Variants in INPP5F observed in about 807,000 individuals in gnomAD.
The protein encoded by INPP5F is phosphatidylinositide 4-phosphatase SAC2.
A neutral mutation model predicts 137.2 loss-of-function variants in INPP5F; 97 were observed. That is an observed-to-expected ratio of 0.71 (90% confidence interval 0.60 to 0.84). The LOEUF is 0.84. Among genes scored for constraint, INPP5F ranks in the 40% least tolerant of loss-of-function variants. INPP5F has a pLI of 0.00. For missense variants in INPP5F, 1,271 were observed against 1,371.9 expected (o/e 0.93, Z 1.16); for synonymous variants, 504 against 476.9 (o/e 1.06, Z -0.74).
At chr10:119,729,830 C>T (rs969597692) in intron 1 of INPP5F, among the ~76,000 whole-genome samples, 3 of 151,596 alleles carry the variant, frequency 2.0e-5, no homozygotes, top group Admixed American at 1.3e-4. Flanking sequence ...AGCGATCCTC[C>T]CACCTTGGCC....
At chr10:119,808,113 C>G (rs1850872074) in intron 13 of INPP5F, 53 bp downstream of exon 13, 15 of 1,567,304 alleles carry the variant, frequency 9.6e-6, no homozygotes, top group Non-Finnish European at 1.3e-5. Flanking sequence ...ACAGCTTAGA[C>G]TATGGTTTAA....
chr10:119,811,788 T>A lies in INPP5F; in HGVS notation c.1719T>A (p.Asp573Glu). Residue 573 changes from aspartate to glutamate, a missense_variant, in exon 15 of 20, where the codon GAT (aspartate) becomes GAA (glutamate). Around this residue, in one of 6 missense-constraint regions of INPP5F, gnomAD observed 593 missense variants for 712.4 expected, o/e 0.83. Transcript: ENST00000650623. ...DLMQGIPVTE[D>E]LYSIFTKEKE... ...TGCAAGGCATTCCAGTGACAGAAGA[T>A]CTTTATTCCATATTTACCAAGGAGA... 5.0e-6 allele frequency: 8 copies of A among 1,614,122 alleles called. No individual in the cohort carries two copies. Among genetic ancestry groups the A allele is most frequent in the Non-Finnish European group, 5.9e-6 (7 of 1,179,966 alleles).
chr10:119,821,739 C>T lies in INPP5F; in HGVS notation c.1959-692C>T, dbSNP rs577820732. Among the ~76,000 whole-genome samples, 361 of 147,834 alleles carry T rather than the reference C, an allele frequency of 2.4e-3. 18 individuals are homozygous for T. In the South Asian group the frequency reaches 0.082, roughly 34 times the overall value. ...CCCTCCCTTCATCTCTGCCTCCCTC[C>T]GTCTCTTGCTCTGTGTGTGTGTGCA... On this transcript the variant is annotated intron_variant, in intron 16 of 19. Transcript: ENST00000650623.
chr10:119,778,729 C>T (rs182276372), intron 2 of INPP5F, among the ~76,000 whole-genome samples: 2 of 152,186 alleles, frequency 1.3e-5, no homozygotes, highest in South Asian at 2.1e-4. Context: ...GTAGTGCATA[C>T]GGTTCTTTTT....
chr10:119,742,643 A>G (rs1848409629), intron 1 of INPP5F, among the ~76,000 whole-genome samples: 1 of 152,190 alleles, frequency 6.6e-6, no homozygotes, highest in Admixed American at 6.5e-5. Flanking sequence ...GCCCCATACA[A>G]ACATGAGAGA....
chr10:119,806,347 TA>T lies in INPP5F; in HGVS notation c.1320-12del, dbSNP rs1850785990. 14 of 1,500,604 alleles carry T rather than the reference TA, an allele frequency of 9.3e-6. No individual in the cohort carries two copies. Among genetic ancestry groups the T allele is most frequent in the Non-Finnish European group, 1.3e-5 (14 of 1,116,770 alleles). 93.0% of individuals were successfully genotyped at this position (1,500,604 alleles called of 1,614,324 possible). On this transcript the variant is annotated splice_polypyrimidine_tract_variant and intron_variant, in intron 11 of 19. Transcript: ENST00000650623. ...TTTATATTGTAAAATAATTCTGTAT[TA>T]TTTTTAAAAAGGGTTGATGAAGCTG...
chr10:119,726,235 G>C lies in INPP5F; in HGVS notation c.-28G>C, dbSNP rs779249196. On this transcript the variant is annotated 5_prime_UTR_variant, in exon 1 of 20. Transcript: ENST00000650623. ...ACGCCCCGTGCGCCGCCCGCGGGCCGCCGCCTCCCTGGGCGCGCGGGGCCA... is the reference window on the plus strand; with the variant it reads ...ACGCCCCGTGCGCCGCCCGCGGGCCCCCGCCTCCCTGGGCGCGCGGGGCCA... The C allele has an allele frequency of 7.1e-7, 1 of 1,408,418 alleles. No homozygotes were observed. Among genetic ancestry groups the C allele is most frequent in the Non-Finnish European group, 9.3e-7 (1 of 1,073,540 alleles). The allele number at this position is 1,408,418 out of a possible 1,614,324, so 87.2% of individuals were successfully genotyped here.
At chr10:119,732,347 GTCTT>G (rs879663353) in intron 1 of INPP5F, among the ~76,000 whole-genome samples, 92 of 151,972 alleles carry the variant, frequency 6.1e-4, no homozygotes, top group Admixed American at 1.4e-3. Context: ...GGAGTACAAA[GTCTT>G]TCTAAGGTGA....
At position 119,758,337 on chromosome 10, in the gene INPP5F, G is replaced by A. The variant is rs117780105; in HGVS notation, c.178+7181G>A. On this transcript the variant is annotated intron_variant, in intron 2 of 19. Coordinates refer to ENST00000650623, the MANE Select transcript of INPP5F (RefSeq NM_014937.4). The stretch of plus-strand genomic sequence containing the variant: ...GGAGCGGGGAGGCCTTGAGAGGAGA[G>A]GTAGTTCTTGGCGGAGTATGCAGCT... Among the ~76,000 whole-genome samples the A allele has an allele frequency of 1.1e-4, 16 of 152,192 alleles. No homozygotes were observed. In the East Asian group the frequency reaches 1.3e-3, roughly 13 times the overall value.
intron 2 of INPP5F, among the ~76,000 whole-genome samples, chr10:119,775,835 T>C (rs769948733): frequency 6.6e-6 from 1 of 152,170 alleles, no homozygotes; most frequent in Non-Finnish European, 1.5e-5. Flanking sequence ...GTTGCAAGCC[T>C]GGGGCACATT....
intron 15 of INPP5F, among the ~76,000 whole-genome samples, chr10:119,813,923 T>G (rs1851149440): frequency 6.6e-6 from 1 of 152,224 alleles, no homozygotes; most frequent in South Asian, 2.1e-4. Context: ...TGTGCTTCAG[T>G]TTTCTTTTCT....
In INPP5F at chr10:119,798,595, C is replaced by T; in HGVS notation, c.1101C>T (p.Asn367=). 1 of 1,611,056 alleles carries T rather than the reference C, an allele frequency of 6.2e-7. No homozygotes were observed. Among genetic ancestry groups the T allele is most frequent in the Non-Finnish European group, 8.5e-7 (1 of 1,178,188 alleles). Reference sequence around the variant, plus strand: ...GTGCCCATTTCGAAGAACAACTGAACATTTACAAAAAACAGGTGGGCTTTG... The same window carrying T: ...GTGCCCATTTCGAAGAACAACTGAATATTTACAAAAAACAGGTGGGCTTTG... The part of the protein sequence containing the change: ...YFCAHFEEQL[N]IYKKQVIINL... Residue 367 remains asparagine (N), a synonymous_variant, in exon 9 of 20, where the codon AAC becomes AAT. Coordinates refer to ENST00000650623, the MANE Select transcript of INPP5F (RefSeq NM_014937.4).
chr10:119,796,213 T>C (rs1347511930), intron 6 of INPP5F, among the ~76,000 whole-genome samples: 2 of 152,220 alleles, frequency 1.3e-5, no homozygotes, highest in Non-Finnish European at 2.9e-5. Context: ...ACTTTTTTTT[T>C]CTAAGCCAGA....
Position 119,810,474 on chromosome 10 carries a change from G to GT in INPP5F, c.1687+260dup, listed in dbSNP as rs140826458. ...TATTACTCAGGTAATAGAAAGCAGGGTTTGAAGCTCCTGGAGTGTGGAATA... is the reference window on the plus strand; with the variant it reads ...TATTACTCAGGTAATAGAAAGCAGGGTTTTGAAGCTCCTGGAGTGTGGAATA... On this transcript the variant is annotated intron_variant, in intron 14 of 19. Transcript: ENST00000650623. Among the ~76,000 whole-genome samples the GT allele has an allele frequency of 3.0e-3, 458 of 152,242 alleles. 9 individuals are homozygous for GT. In the East Asian group the frequency reaches 0.059, roughly 20 times the overall value.
chr10:119,760,155 G>T lies in INPP5F; in HGVS notation c.178+8999G>T, dbSNP rs544097455. 2.8e-4 allele frequency among the ~76,000 whole-genome samples: 43 copies of T among 152,230 alleles called. 1 individual carries two copies. Among genetic ancestry groups the T allele is most frequent in the African/African-American group, 9.6e-4 (40 of 41,462 alleles). On this transcript the variant is annotated intron_variant, in intron 2 of 19. Coordinates refer to ENST00000650623, the MANE Select transcript of INPP5F (RefSeq NM_014937.4). ...AGAGAGATACTTGAGAGGCAGGCTA[G>T]CGTGCCTCATGCTATTCCACTCTCA...
rs574977513 is a variant in INPP5F, at chr10:119,739,906, A to G, written c.98-11170A>G. ...AAGTGTTGGTTTACAGGTGTAAGCT[A>G]CCACACCCAGTCAGTAGTCTGTCTT... On this transcript the variant is annotated intron_variant, in intron 1 of 19. Transcript: ENST00000650623. 1.4e-3 allele frequency among the ~76,000 whole-genome samples: 212 copies of G among 152,304 alleles called. 1 individual carries two copies. Among genetic ancestry groups the G allele is most frequent in the African/African-American group, 4.9e-3 (204 of 41,568 alleles).
chr10:119,810,817 C>T (rs1851001455), intron 14 of INPP5F, among the ~76,000 whole-genome samples: 1 of 152,276 alleles, frequency 6.6e-6, no homozygotes, highest in Non-Finnish European at 1.5e-5. Flanking sequence ...AAAGTAAATG[C>T]AGAGTGTTCT....
In INPP5F at chr10:119,763,226, C is replaced by A. The variant is rs1283218458; in HGVS notation, c.178+12070C>A. Among the ~76,000 whole-genome samples, 4 of 152,238 alleles carry A rather than the reference C, an allele frequency of 2.6e-5. No homozygotes were observed. In the East Asian group the frequency reaches 7.7e-4, roughly 29 times the overall value. ...TTCACTGAGTCCATGTTCTGCACTT[C>A]AGGCCCACTGCGGTAGAGGTTCTAC... On this transcript the variant is annotated intron_variant, in intron 2 of 19. Transcript: ENST00000650623.
chr10:119,789,512 C>A (rs1850058038), intron 3 of INPP5F, among the ~76,000 whole-genome samples: 2 of 151,934 alleles, frequency 1.3e-5, no homozygotes, highest in Non-Finnish European at 2.9e-5. Flanking sequence ...ACAATGTGTT[C>A]ATGGGAGAAG....
Sources: allele counts gnomAD v4.1 joint callset (sites outside exome capture counted in the v4.1 genomes callset), GRCh38; gene constraint gnomAD v4.1.1; regional missense constraint gnomAD v4.1.1; transcripts MANE v1.5; gene names NCBI Gene and HGNC (gene_info 2026-07-23, HGNC 2026-07-21).